Variants in PPIP5K1 observed in about 807,000 individuals in gnomAD.
PPIP5K1 encodes the protein inositol hexakisphosphate and diphosphoinositol-pentakisphosphate kinase 1.
A neutral mutation model predicts 27.7 loss-of-function variants in PPIP5K1; 6 were observed. That is an observed-to-expected ratio of 0.22 (90% confidence interval 0.12 to 0.43). The LOEUF is 0.43. Among genes scored for constraint, PPIP5K1 ranks in the 20% least tolerant of loss-of-function variants. PPIP5K1 has a pLI of 1.00. For missense variants in PPIP5K1, 394 were observed against 635.4 expected (o/e 0.62, Z 4.08); for synonymous variants, 145 against 242.6 (o/e 0.60, Z 3.74).
At chr15:43,550,638 C>G (rs1031488492) in intron 30 of PPIP5K1, among the ~76,000 whole-genome samples, 2 of 151,924 alleles carry the variant, frequency 1.3e-5, no homozygotes, top group Admixed American at 1.3e-4. Flanking sequence ...ACTCCTGGTA[C>G]GAATGTTGAA....
At chr15:43,556,300 C>A (rs2082936685) in intron 30 of PPIP5K1, among the ~76,000 whole-genome samples, 1 of 151,470 alleles carries the variant, frequency 6.6e-6, no homozygotes. Flanking sequence ...AGCCTGGCAA[C>A]AGAGTGAGAC....
Position 43,534,534 on chromosome 15 carries a change from CAT to C in PPIP5K1, c.*138_*139del, listed in dbSNP as rs1278962197. On this transcript the variant is annotated 3_prime_UTR_variant, in exon 32 of 32. Coordinates refer to ENST00000420765, the MANE Select transcript of PPIP5K1 (RefSeq NM_001394395.1). The stretch of plus-strand genomic sequence containing the variant: ...ATACCACTAATGAGAAAATTAATCA[CAT>C]GTTGCTGGTGGAAGGGGTGAGTGCT... 4.1e-6 allele frequency: 3 copies of C among 726,208 alleles called. No homozygotes were observed. Among genetic ancestry groups the C allele is most frequent in the Non-Finnish European group, 6.6e-6 (3 of 455,188 alleles). 45.0% of individuals were successfully genotyped at this position (726,208 alleles called of 1,614,324 possible). A position where few individuals can be genotyped will look rare whatever the true frequency, so the allele number is the denominator to read the frequency against.
intron 30 of PPIP5K1, among the ~76,000 whole-genome samples, chr15:43,541,359 C>T (rs942080733): frequency 2.6e-5 from 4 of 152,080 alleles, no homozygotes; most frequent in Admixed American, 6.5e-5. Context: ...GCAATGTGCC[C>T]GCCTCAGCCT....
At chr15:43,548,890 T>C (rs1189859717) in intron 30 of PPIP5K1, among the ~76,000 whole-genome samples, 1 of 150,682 alleles carries the variant, frequency 6.6e-6, no homozygotes, top group Non-Finnish European at 1.5e-5. Context: ...TAGCTGGGCA[T>C]GATGGCAAGC....
At chr15:43,547,093 T>C (rs1263923298) in intron 30 of PPIP5K1, among the ~76,000 whole-genome samples, 2 of 152,358 alleles carry the variant, frequency 1.3e-5, no homozygotes, top group East Asian at 1.9e-4. Context: ...TTAATGGCTA[T>C]CCGGTGGGTA....
intron 30 of PPIP5K1, 46 bp downstream of exon 30, chr15:43,558,749 G>T: frequency 6.2e-7 from 1 of 1,607,540 alleles, no homozygotes; most frequent in Non-Finnish European, 8.5e-7. Context: ...TAGGAAGCAT[G>T]GGCATGGGGG....
At chr15:43,567,394 A>ATGCTAC (rs2084227149) in intron 26 of PPIP5K1, among the ~76,000 whole-genome samples, 1 of 3,286 alleles carries the variant, frequency 3.0e-4, no homozygotes, top group African/African-American at 5.7e-3. Context: ...CTGGGATTAT[A>ATGCTAC]GGCATGAGCC....
At chr15:43,560,029 A>C (rs2141156587) in intron 29 of PPIP5K1, among the ~76,000 whole-genome samples, 1 of 151,824 alleles carries the variant, frequency 6.6e-6, no homozygotes, top group Middle Eastern at 3.4e-3. Flanking sequence ...CCCATGATCT[A>C]GTGGCAGGAG....
rs145393909 is a variant in PPIP5K1, at chr15:43,545,685, G to C, written c.3557-6102C>G. ...TTTTGCTTCACAAGTTTGACTTTGA[G>C]TCAGAATTAGGCTTTCCTTACTTTC... is the stretch of plus-strand genomic sequence containing the variant. On this transcript the variant is annotated intron_variant, in intron 30 of 31. Coordinates refer to ENST00000420765, the MANE Select transcript of PPIP5K1 (RefSeq NM_001394395.1). Among the ~76,000 whole-genome samples the C allele has an allele frequency of 4.6e-5, 7 of 152,068 alleles. No individual in the cohort carries two copies. In the East Asian group the frequency reaches 7.7e-4, roughly 17 times the overall value.
At chr15:43,538,557 C>T (rs2080220093) in intron 31 of PPIP5K1, among the ~76,000 whole-genome samples, 1 of 151,138 alleles carries the variant, frequency 6.6e-6, no homozygotes, top group South Asian at 2.1e-4. Flanking sequence ...GACGGAGTCT[C>T]ACTTTGTTGC....
intron 30 of PPIP5K1, among the ~76,000 whole-genome samples, chr15:43,555,592 T>C (rs1275254339): frequency 6.6e-6 from 1 of 151,414 alleles, no homozygotes; most frequent in Non-Finnish European, 1.5e-5. Context: ...GGCTGAATTT[T>C]TGTTTGTTTG....
At chr15:43,542,658 G>GTGTGTGTT (rs1234719146) in intron 30 of PPIP5K1, among the ~76,000 whole-genome samples, 3 of 145,240 alleles carry the variant, frequency 2.1e-5, no homozygotes, top group African/African-American at 7.8e-5. Context: ...GTGTGTGTGT[G>GTGTGTGTT]TGTGTGTGTG....
intron 30 of PPIP5K1, among the ~76,000 whole-genome samples, chr15:43,551,130 G>C (rs185508018): frequency 2.0e-5 from 3 of 152,138 alleles, no homozygotes; most frequent in Admixed American, 6.5e-5. Flanking sequence ...TTGGAAGAGC[G>C]TGAGTAGACT....
At chr15:43,538,320 G>C (rs1031061735) in intron 31 of PPIP5K1, among the ~76,000 whole-genome samples, 1 of 152,208 alleles carries the variant, frequency 6.6e-6, no homozygotes, top group African/African-American at 2.4e-5. Context: ...ACCACCAGTA[G>C]CTCCTCCTCT....
intron 30 of PPIP5K1, among the ~76,000 whole-genome samples, chr15:43,557,449 A>G (rs571708398): frequency 2.0e-5 from 3 of 152,068 alleles, no homozygotes; most frequent in Non-Finnish European, 4.4e-5. Flanking sequence ...CTCTGTCTCA[A>G]AAAAAGTCTT....
At chr15:43,537,713 A>G (rs1236139736) in intron 31 of PPIP5K1, among the ~76,000 whole-genome samples, 1 of 137,928 alleles carries the variant, frequency 7.3e-6, no homozygotes, top group Non-Finnish European at 1.5e-5. Flanking sequence ...AAAAAGAGAG[A>G]GAGAGAGAGA....
intron 30 of PPIP5K1, among the ~76,000 whole-genome samples, chr15:43,555,652 G>C (rs2082840677): frequency 6.6e-6 from 1 of 150,904 alleles, no homozygotes; most frequent in African/African-American, 2.4e-5. Context: ...TGTTGCCCAG[G>C]CTGGAGTACA....
At chr15:43,544,971 G>A (rs537777171) in intron 30 of PPIP5K1, among the ~76,000 whole-genome samples, 6 of 152,250 alleles carry the variant, frequency 3.9e-5, no homozygotes, top group African/African-American at 7.2e-5. Context: ...GAGGTCAGGA[G>A]ATCGAGACCA....
chr15:43,535,612 G>A (rs1040941774), intron 31 of PPIP5K1, 136 bp from the exon 32 acceptor site: 1 of 714,952 alleles, frequency 1.4e-6, no homozygotes, highest in Non-Finnish European at 2.3e-6. Context: ...TTCTTCCTAA[G>A]TTAAGCAGAG....
Sources: gnomAD v4.1 joint callset for allele counts (sites outside exome capture counted in the v4.1 genomes callset) on GRCh38, gnomAD v4.1.1 for gene constraint, MANE v1.5 for transcripts, NCBI Gene and HGNC (gene_info 2026-07-23, HGNC 2026-07-21) for gene names.